Variants in ATP11C observed in about 807,000 individuals in gnomAD.
The protein encoded by ATP11C is ATPase phospholipid transporting 11C (ATP11C blood group), also known as phospholipid-transporting ATPase IG.
In ATP11C, 36 loss-of-function variants were observed where a neutral mutation model predicts 97.4. The observed-to-expected ratio is 0.37, with a 90% CI of 0.28 to 0.49. The LOEUF is 0.49. Among genes scored for constraint, ATP11C ranks in the 20% least tolerant of loss-of-function variants. The pLI is 0.98. For synonymous variants in ATP11C, 275 were observed against 290.9 expected (o/e 0.95, Z 0.56); for missense variants, 730 against 824.6 (o/e 0.89, Z 1.40).
At chrX:139,749,287 T>TA (rs968000422) in intron 24 of ATP11C, among the ~76,000 whole-genome samples, 3 of 111,973 alleles carry the variant, frequency 2.7e-5, no homozygotes, top group African/African-American at 6.5e-5. Context: ...TCATGCTGGT[T>TA]AAAAAAAATC....
At chrX:139,757,517 T>G (rs73243377) in intron 23 of ATP11C, among the ~76,000 whole-genome samples, 5,621 of 111,348 alleles carry the variant, frequency 0.05, 242 homozygotes, top group East Asian at 0.29. Context: ...AATATTAAAC[T>G]ATAACATTTT....
At chrX:139,933,823 A>C (rs1286401912), upstream of ATP11C, among the ~76,000 whole-genome samples, 1 of 112,402 alleles carries the variant, frequency 8.9e-6, no homozygotes, top group Non-Finnish European at 1.9e-5. Context: ...TTTTCTTTGT[A>C]CCAGGCACTG....
intron 18 of ATP11C, among the ~76,000 whole-genome samples, chrX:139,777,014 T>C (rs2082361819): frequency 9.0e-6 from 1 of 110,789 alleles, no homozygotes; most frequent in Non-Finnish European, 1.9e-5. Context: ...GAAAAAAGAA[T>C]TAAAAAATAA....
At chrX:139,803,177 A>C (rs946268466) in intron 6 of ATP11C, among the ~76,000 whole-genome samples, 3 of 112,289 alleles carry the variant, frequency 2.7e-5, no homozygotes, top group Non-Finnish European at 5.6e-5. Flanking sequence ...GAAAAAAGAA[A>C]CTATCTGAAA....
intron 23 of ATP11C, 99 bp downstream of exon 23, chrX:139,757,709 T>C: frequency 1.9e-6 from 1 of 531,792 alleles, no homozygotes; most frequent in East Asian, 3.9e-5. Flanking sequence ...TCATTTTACT[T>C]TGTACATACA....
intron 1 of ATP11C, among the ~76,000 whole-genome samples, chrX:139,859,624 A>G (rs1569481313): frequency 8.9e-6 from 1 of 112,233 alleles, no homozygotes; most frequent in African/African-American, 3.2e-5. Context: ...AGACATATTC[A>G]ACCCTCACGT....
At position 139,869,015 on chromosome X, in the gene ATP11C, T is replaced by C. The variant is rs748173616; in HGVS notation, c.28-42192A>G. Reference sequence around the variant, plus strand: ...AAAAACTGCAACCCTTGTAACACTGTTGGTGGGAATGTAAAATGGTGCAGC... The same window carrying C: ...AAAAACTGCAACCCTTGTAACACTGCTGGTGGGAATGTAAAATGGTGCAGC... On this transcript the variant is annotated intron_variant, in intron 1 of 29. Coordinates refer to ENST00000682941, the MANE Select transcript of ATP11C (RefSeq NM_001353812.2). 1.7e-3 allele frequency among the ~76,000 whole-genome samples: 192 copies of C among 112,366 alleles called. 1 individual carries two copies. The highest frequency in any genetic ancestry group is 6.0e-3 in the African/African-American group (185 of 30,952).
intron 7 of ATP11C, among the ~76,000 whole-genome samples, 196 bp from the exon 8 acceptor site, chrX:139,800,306 A>G (rs1021723326): frequency 1.6e-4 from 18 of 112,048 alleles, no homozygotes; most frequent in African/African-American, 5.5e-4. Flanking sequence ...TTTTCATATA[A>G]TTTTTAAATA....
chrX:139,831,724 T>G (rs1341207040), intron 1 of ATP11C, among the ~76,000 whole-genome samples: 1 of 111,791 alleles, frequency 8.9e-6, no homozygotes, highest in Non-Finnish European at 1.9e-5. Flanking sequence ...AACAGGAATT[T>G]TATCTTTTAA....
At chrX:139,884,642 T>C (rs777826213) in intron 1 of ATP11C, among the ~76,000 whole-genome samples, 2 of 112,150 alleles carry the variant, frequency 1.8e-5, no homozygotes, top group Admixed American at 9.5e-5. Context: ...TTTTTAAAAT[T>C]TTCCAAATTT....
chrX:139,772,083 G>A (rs935375068), intron 19 of ATP11C, among the ~76,000 whole-genome samples: 8 of 111,895 alleles, frequency 7.1e-5, no homozygotes, highest in Admixed American at 1.9e-4. Flanking sequence ...CAGGCCCAGC[G>A]TCCCCGTGCT....
intron 23 of ATP11C, among the ~76,000 whole-genome samples, chrX:139,751,770 A>C (rs942546587): frequency 1.9e-5 from 2 of 107,806 alleles, no homozygotes; most frequent in African/African-American, 7.1e-5. Context: ...ACCTGTTACA[A>C]TGTTTCCTTT....
upstream of ATP11C, among the ~76,000 whole-genome samples, chrX:139,933,268 C>T (rs1331004817): frequency 2.7e-5 from 3 of 110,979 alleles, no homozygotes; most frequent in Non-Finnish European, 3.8e-5. Flanking sequence ...GCGGGCTGAA[C>T]AGCGGGTTCT....
chrX:139,826,771 T>C lies in ATP11C; in HGVS notation c.80A>G (p.His27Arg). 8.3e-7 allele frequency: 1 copy of C among 1,208,817 alleles called. No individual in the cohort carries two copies. The highest frequency in any genetic ancestry group is 1.1e-6 in the Non-Finnish European group (1 of 893,164). Reference sequence around the variant, plus strand: ...GTAAGCTTCTGTTTCCGAAACTGGATGATTGCCAACAAACACTGTGCGTGT... The same window carrying C: ...GTAAGCTTCTGTTTCCGAAACTGGACGATTGCCAACAAACACTGTGCGTGT... ...VGTRTVFVGN[H>R]PVSETEAYIA... Residue 27 changes from histidine (H) to arginine (R), a missense_variant, in exon 2 of 30, where the codon CAT becomes CGT. By Grantham distance (29) the His-to-Arg change is conservative. Coordinates refer to ENST00000682941, the MANE Select transcript of ATP11C (RefSeq NM_001353812.2).
chrX:139,834,763 C>T (rs2083721995), intron 1 of ATP11C, among the ~76,000 whole-genome samples: 1 of 111,840 alleles, frequency 8.9e-6, no homozygotes, highest in Admixed American at 9.5e-5. Context: ...TCAATGTTCC[C>T]CAGACTGAAT....
At chrX:139,912,137 T>G (rs899045472) in intron 1 of ATP11C, among the ~76,000 whole-genome samples, 11 of 88,708 alleles carry the variant, frequency 1.2e-4, no homozygotes, top group Non-Finnish European at 2.1e-4. Context: ...ATCACCCCAC[T>G]GCACTCCAGC....
chrX:139,749,521 C>A (rs2081765129), intron 24 of ATP11C, among the ~76,000 whole-genome samples: 1 of 111,872 alleles, frequency 8.9e-6, no homozygotes, highest in Non-Finnish European at 1.9e-5. Flanking sequence ...TCAACTGACA[C>A]AAAATGAATA....
intron 1 of ATP11C, among the ~76,000 whole-genome samples, chrX:139,903,536 C>T (rs1429814690): frequency 1.8e-5 from 2 of 109,181 alleles, no homozygotes; most frequent in Non-Finnish European, 3.8e-5. Context: ...CTTCTTCTCC[C>T]ATATCTCACC....
chrX:139,854,707 T>C (rs1449388832), intron 1 of ATP11C, among the ~76,000 whole-genome samples: 1 of 112,696 alleles, frequency 8.9e-6, no homozygotes, highest in Non-Finnish European at 1.9e-5. Flanking sequence ...ACAGTTTATT[T>C]GCAAGGTGTA....
Sources: gnomAD v4.1 joint callset for allele counts (sites outside exome capture counted in the v4.1 genomes callset) on GRCh38, gnomAD v4.1.1 for gene constraint, MANE v1.5 for transcripts, NCBI Gene and HGNC (gene_info 2026-07-23, HGNC 2026-07-21) for gene names.